Variants in SENP7 observed in about 807,000 individuals in gnomAD.
The protein encoded by SENP7 is SUMO specific peptidase 7.
In SENP7, 64 loss-of-function variants were observed where a neutral mutation model predicts 141.2. The ratio of observed to expected loss-of-function variants is 0.45; its 90% CI spans 0.37 to 0.56. The LOEUF is 0.56. Ranked by LOEUF, SENP7 falls within the 20% of genes least tolerant of loss-of-function variation. The probability of loss-of-function intolerance (pLI) is 0.00; values close to 1 mark genes in which losing one functional copy is unlikely to be tolerated. For missense variants in SENP7, 1,025 were observed against 1,212.2 expected (o/e 0.85, Z 2.29); for synonymous variants, 382 against 426.4 (o/e 0.90, Z 1.28).
chr3:101,508,090 C>A (rs1193801891), intron 1 of SENP7, among the ~76,000 whole-genome samples: 1 of 151,028 alleles, frequency 6.6e-6, no homozygotes, highest in African/African-American at 2.4e-5. Context: ...TTCCCTTGCC[C>A]ATATTTATGA....
chr3:101,352,619 TTG>T (rs2059641531), intron 11 of SENP7, among the ~76,000 whole-genome samples: 1 of 152,066 alleles, frequency 6.6e-6, no homozygotes, highest in Non-Finnish European at 1.5e-5. Flanking sequence ...GCTTTGAAGT[TTG>T]TGTTTCCATT....
intron 4 of SENP7, among the ~76,000 whole-genome samples, chr3:101,455,927 C>T (rs1222987208): frequency 2.0e-5 from 3 of 152,072 alleles, no homozygotes; most frequent in Admixed American, 6.6e-5. Context: ...GAATCAAAAG[C>T]TCCAGAACTT....
chr3:101,456,078 C>T (rs999531008), intron 4 of SENP7, among the ~76,000 whole-genome samples: 2 of 151,876 alleles, frequency 1.3e-5, no homozygotes, highest in African/African-American at 2.4e-5. Flanking sequence ...ATACACATTC[C>T]CCGGAAATAT....
intron 7 of SENP7, among the ~76,000 whole-genome samples, chr3:101,368,587 T>G (rs537796760): frequency 1.4e-3 from 41 of 28,784 alleles, no homozygotes; most frequent in African/African-American, 2.4e-3. Context: ...GGGTGGGGGG[T>G]GGGGGGAGGG....
chr3:101,398,317 GGGCGT>G (rs2061030481), intron 6 of SENP7, among the ~76,000 whole-genome samples: 1 of 152,086 alleles, frequency 6.6e-6, no homozygotes, highest in South Asian at 2.1e-4. Flanking sequence ...AAAATTAGCT[GGGCGT>G]GGTGGCACGT....
chr3:101,380,161 G>GTAA (rs2060455500), intron 6 of SENP7, among the ~76,000 whole-genome samples: 1 of 152,126 alleles, frequency 6.6e-6, no homozygotes, highest in Non-Finnish European at 1.5e-5. Flanking sequence ...GGCTGTCAGG[G>GTAA]TTTAGGGGGA....
chr3:101,336,802 C>T (rs2059197488), intron 17 of SENP7, among the ~76,000 whole-genome samples: 1 of 152,100 alleles, frequency 6.6e-6, no homozygotes, highest in African/African-American at 2.4e-5. Flanking sequence ...TTTTGCCTAT[C>T]CCTAGCCACT....
intron 4 of SENP7, among the ~76,000 whole-genome samples, chr3:101,458,222 G>A (rs1406464354): frequency 1.3e-5 from 2 of 152,158 alleles, no homozygotes; most frequent in Non-Finnish European, 2.9e-5. Context: ...TGAAAAGGGA[G>A]AATTAGACTA....
chr3:101,508,108 C>G (rs10511190), intron 1 of SENP7, among the ~76,000 whole-genome samples: 9,569 of 150,034 alleles, frequency 0.064, 448 homozygotes, highest in Non-Finnish European at 0.097. Context: ...TGACTGCCAT[C>G]TACTGACCCA....
intron 6 of SENP7, among the ~76,000 whole-genome samples, chr3:101,392,264 G>C (rs56171035): frequency 0.21 from 32,111 of 151,960 alleles, 3,580 homozygotes; most frequent in Non-Finnish European, 0.24. Flanking sequence ...AATTAGAAAA[G>C]AGATAGTCAA....
At chr3:101,385,164 A>G (rs927493216) in intron 6 of SENP7, among the ~76,000 whole-genome samples, 6 of 152,072 alleles carry the variant, frequency 3.9e-5, no homozygotes. Flanking sequence ...GTGTGTGTGT[A>G]TATATACAGT....
chr3:101,420,379 G>T (rs1210747111), intron 4 of SENP7, among the ~76,000 whole-genome samples: 2 of 146,778 alleles, frequency 1.4e-5, no homozygotes, highest in African/African-American at 5.0e-5. Flanking sequence ...AAAAAAAAAA[G>T]TGATAGGAAA....
intron 2 of SENP7, among the ~76,000 whole-genome samples, chr3:101,499,655 C>G (rs2065296823): frequency 6.6e-6 from 1 of 152,038 alleles, no homozygotes; most frequent in Non-Finnish European, 1.5e-5. Flanking sequence ...TCTACCTCAG[C>G]CTCCCGAGTA....
At chr3:101,336,517 C>T (rs2059189175) in intron 17 of SENP7, among the ~76,000 whole-genome samples, 1 of 152,196 alleles carries the variant, frequency 6.6e-6, no homozygotes, top group Admixed American at 6.5e-5. Flanking sequence ...CTTCATTAGA[C>T]TGCTTCCTCA....
chr3:101,422,995 A>G (rs1468391991), intron 4 of SENP7, among the ~76,000 whole-genome samples: 2 of 152,154 alleles, frequency 1.3e-5, no homozygotes, highest in African/African-American at 4.8e-5. Flanking sequence ...TCTCCCTCAG[A>G]CTTGGAGTCC....
At chr3:101,366,913 C>T in intron 8 of SENP7, 144 bp from the exon 9 acceptor site, 1 of 581,432 alleles carries the variant, frequency 1.7e-6, no homozygotes, top group South Asian at 2.5e-5. Flanking sequence ...CTACATTATA[C>T]TTGCCAATGT....
chr3:101,431,542 G>A (rs1180859599), intron 4 of SENP7, among the ~76,000 whole-genome samples: 1 of 63,060 alleles, frequency 1.6e-5, no homozygotes, highest in Non-Finnish European at 2.8e-5. Flanking sequence ...CTTTCCATTT[G>A]CCTGGTAGAT....
intron 3 of SENP7, among the ~76,000 whole-genome samples, chr3:101,474,455 T>C (rs2064134332): frequency 6.6e-6 from 1 of 152,042 alleles, no homozygotes; most frequent in Admixed American, 6.6e-5. Flanking sequence ...TCTGAATGAG[T>C]TCGTTCCTAG....
chr3:101,486,967 A>G (rs1254203997), intron 3 of SENP7, among the ~76,000 whole-genome samples: 1 of 152,230 alleles, frequency 6.6e-6, no homozygotes, highest in African/African-American at 2.4e-5. Context: ...AGGAGTAGCT[A>G]TTCTTATATG....
Sources: allele counts gnomAD v4.1 joint callset (sites outside exome capture counted in the v4.1 genomes callset), GRCh38; gene constraint gnomAD v4.1.1; transcripts MANE v1.5; gene names NCBI Gene and HGNC (gene_info 2026-07-23, HGNC 2026-07-21).